EPHB2: variants seen among roughly 807,000 people sequenced by gnomAD.
The protein encoded by EPHB2 is EPH receptor B2.
In EPHB2, 18 loss-of-function variants were observed where a neutral mutation model predicts 96.4. That is an observed-to-expected ratio of 0.19 (90% CI 0.13 to 0.28). The LOEUF (loss-of-function observed/expected upper bound fraction) is 0.28. Among genes scored for constraint, EPHB2 ranks in the 10% least tolerant of loss-of-function variants. EPHB2 has a pLI of 1.00. For synonymous variants in EPHB2, 506 were observed against 534.1 expected, an observed-to-expected ratio of 0.95 and a Z score of 0.72; for missense variants, 989 against 1,355.4, an observed-to-expected ratio of 0.73 and a Z score of 4.25.
chr1:22,909,076 T>C lies in EPHB2; in HGVS notation c.2407T>C (p.Phe803Leu). The change falls in exon 13 of 16, where the codon TTC becomes CTC. Residue 803 changes from phenylalanine to leucine, a missense_variant. Phe to Leu is a conservative substitution (Grantham distance 22). Coordinates refer to ENST00000374630, the MANE Select transcript of EPHB2 (RefSeq NM_017449.5). ...TAPEAIQYRK[F>L]TSASDVWSYG... ...CCCGGAAGCCATCCAGTACCGGAAG[T>C]TCACCTCGGCCAGTGATGTGTGGAG... The C allele has an allele frequency of 6.2e-7, 1 of 1,614,186 alleles. No homozygotes were observed. Among genetic ancestry groups the C allele is most frequent in the African/African-American group, 1.3e-5 (1 of 75,038 alleles).
intron 3 of EPHB2, among the ~76,000 whole-genome samples, chr1:22,834,650 C>G (rs2148490148): frequency 1.3e-5 from 2 of 152,188 alleles, no homozygotes; most frequent in Non-Finnish European, 2.9e-5. Context: ...CAAGGCCAGG[C>G]ACGGTGGCTC....
In EPHB2 at chr1:22,784,253, A is replaced by G. The variant is rs1570270667; in HGVS notation, c.127-139A>G. The G allele has an allele frequency of 2.5e-6, 2 of 786,024 alleles. No individual in the cohort carries two copies. The highest frequency in any genetic ancestry group is 2.0e-5 in the Admixed American group (1 of 49,478). 48.7% of individuals were successfully genotyped at this position (786,024 alleles called of 1,614,324 possible). A position where few individuals can be genotyped will look rare whatever the true frequency, so the allele number is the denominator to read the frequency against. On this transcript the variant is annotated intron_variant, in intron 2 of 15. Coordinates refer to ENST00000374630, the MANE Select transcript of EPHB2 (RefSeq NM_017449.5). The surrounding 1 kb of genome is among the most constrained non-coding windows in gnomAD (Gnocchi z 5.1). ...CCCACCTGATTGGCATGTCTCCCCCATCAGATTGGGAATTCTCTGATGTCT... is the reference window on the plus strand; with the variant it reads ...CCCACCTGATTGGCATGTCTCCCCCGTCAGATTGGGAATTCTCTGATGTCT...
At position 22,853,716 on chromosome 1, in the gene EPHB2, C is replaced by T. The variant is rs574841693; in HGVS notation, c.812-9321C>T. Among the ~76,000 whole-genome samples, 6 of 152,346 alleles carry T rather than the reference C, an allele frequency of 3.9e-5. No individual in the cohort carries two copies. In the East Asian group the frequency reaches 9.6e-4, roughly 24 times the overall value. On this transcript the variant is annotated intron_variant, in intron 3 of 15. Transcript: ENST00000374630. ...TTGTTCCAGGAACTGGCAGTGCCTG[C>T]GGTGGCTGGAGCTCAAGGTGTGACT...
chr1:22,783,213 C>T (rs1383421035), intron 2 of EPHB2, among the ~76,000 whole-genome samples: 1 of 152,222 alleles, frequency 6.6e-6, no homozygotes, highest in African/African-American at 2.4e-5. Context: ...CTAGTCTCTA[C>T]TCCCTCATCC....
chr1:22,865,099 A>G lies in EPHB2; in HGVS notation c.1190A>G (p.Asp397Gly). The G allele has an allele frequency of 6.2e-7, 1 of 1,614,180 alleles. No homozygotes were observed. The highest frequency in any genetic ancestry group is 8.5e-7 in the Non-Finnish European group (1 of 1,180,040). ...GLTEPRIYISDLLAHTQYTFE... is the reference protein window; with the variant it reads ...GLTEPRIYISGLLAHTQYTFE... Reference sequence around the variant, plus strand: ...ACCGAGCCACGCATTTACATCAGTGACCTGCTGGCCCACACCCAGTACACC... The same window carrying G: ...ACCGAGCCACGCATTTACATCAGTGGCCTGCTGGCCCACACCCAGTACACC... The change falls in exon 5 of 16, where the codon GAC becomes GGC. Residue 397 changes from aspartate (D) to glycine (G), a missense_variant. Asp to Gly is a moderately conservative substitution (Grantham distance 94). Transcript: ENST00000374630.
chr1:22,908,150 C>T lies in EPHB2; in HGVS notation c.2334C>T (p.Pro778=). Residue 778 remains proline, a synonymous_variant, in exon 12 of 16, where the codon CCC becomes CCT. Transcript: ENST00000374630. ...TTCTAGAGGACGATACCTCAGACCC[C>T]ACCTACACCAGTGCCCTGGTAAGAT... The part of the protein sequence containing the change: ...SRFLEDDTSD[P]TYTSALGGKI... 1.9e-6 allele frequency: 3 copies of T among 1,614,244 alleles called. No individual in the cohort carries two copies. The highest frequency in any genetic ancestry group is 1.3e-5 in the African/African-American group (1 of 75,058).
intron 1 of EPHB2, among the ~76,000 whole-genome samples, chr1:22,767,620 G>T (rs1016250692): frequency 6.6e-6 from 1 of 152,196 alleles, no homozygotes; most frequent in Non-Finnish European, 1.5e-5. Flanking sequence ...GGTAGCTATG[G>T]TGATAGAGAT....
rs139224412 is a variant in EPHB2 at position 22,840,358 on chromosome 1, G to A, written c.812-22679G>A. Reference sequence around the variant, plus strand: ...TAAATTTTGCATACTCTACCAGGATGATTAAAAGAGGAGGAAGTCTGGGAC... The same window carrying A: ...TAAATTTTGCATACTCTACCAGGATAATTAAAAGAGGAGGAAGTCTGGGAC... On this transcript the variant is annotated intron_variant, in intron 3 of 15. Transcript: ENST00000374630. 1.0e-3 allele frequency among the ~76,000 whole-genome samples: 157 copies of A among 152,338 alleles called. 1 individual carries two copies. Among genetic ancestry groups the A allele is most frequent in the African/African-American group, 3.2e-3 (135 of 41,572 alleles).
chr1:22,741,679 C>CTAAAAAAAAAA, intron 1 of EPHB2, among the ~76,000 whole-genome samples: 1 of 73,918 alleles, frequency 1.4e-5, no homozygotes, highest in South Asian at 5.7e-4. Context: ...TTCTTCCCAG[C>CTAAAAAAAAAA]AAAAAAAAAC....
chr1:22,899,418 T>C (rs1323094949), intron 9 of EPHB2, among the ~76,000 whole-genome samples: 1 of 151,748 alleles, frequency 6.6e-6, no homozygotes, highest in Non-Finnish European at 1.5e-5. Context: ...GGAGAATCCC[T>C]TGAACCCGGG....
In EPHB2 at chr1:22,893,021, G is replaced by C. The variant is rs2148566828; in HGVS notation, c.1566G>C (p.Lys522Asn). The change falls in exon 7 of 16, where the codon AAG becomes AAC. Residue 522 changes from lysine (K) to asparagine (N), a missense_variant. Coordinates refer to ENST00000374630, the MANE Select transcript of EPHB2 (RefSeq NM_017449.5). Reference sequence around the variant, plus strand: ...CAGGTTACGGGCGCTACAGCGGCAAGATGTACTTCCAGACCATGACAGAAG... The same window carrying C: ...CAGGTTACGGGCGCTACAGCGGCAACATGTACTTCCAGACCATGACAGAAG... The part of the protein sequence containing the change: ...TVAGYGRYSG[K>N]MYFQTMTEAE... 6.2e-7 allele frequency: 1 copy of C among 1,614,220 alleles called. No individual in the cohort carries two copies. The highest frequency in any genetic ancestry group is 8.5e-7 in the Non-Finnish European group (1 of 1,180,026).
At chr1:22,791,009 C>T (rs1644683575) in intron 3 of EPHB2, among the ~76,000 whole-genome samples, 2 of 152,212 alleles carry the variant, frequency 1.3e-5, no homozygotes, top group African/African-American at 4.8e-5. Flanking sequence ...CCCTACCTCT[C>T]ACTAGCTGTG....
chr1:22,815,621 G>T (rs2148467164), intron 3 of EPHB2, among the ~76,000 whole-genome samples: 1 of 152,384 alleles, frequency 6.6e-6, no homozygotes, highest in African/African-American at 2.4e-5. Context: ...AGTCTCAGGG[G>T]CCGTTCAAAG....
intron 3 of EPHB2, among the ~76,000 whole-genome samples, chr1:22,834,649 G>A (rs1380365703): frequency 1.3e-5 from 2 of 152,176 alleles, no homozygotes; most frequent in African/African-American, 4.8e-5. Context: ...GCAAGGCCAG[G>A]CACGGTGGCT....
chr1:22,806,839 C>T (rs1163338385), intron 3 of EPHB2, among the ~76,000 whole-genome samples: 4 of 152,262 alleles, frequency 2.6e-5, no homozygotes, highest in Non-Finnish European at 5.9e-5. Context: ...CTGCACAGCT[C>T]AGCTCCCCTG....
At chr1:22,908,891 A>G (rs542960321) in intron 12 of EPHB2, 131 bp from the exon 13 acceptor site, 2 of 1,410,096 alleles carry the variant, frequency 1.4e-6, no homozygotes, top group Non-Finnish European at 2.0e-6. Flanking sequence ...CTGAAGCTGC[A>G]TGGTAAGTTT....
At chr1:22,895,399 C>T in intron 7 of EPHB2, 73 bp from the exon 8 acceptor site, 1 of 1,414,818 alleles carries the variant, frequency 7.1e-7, no homozygotes, top group Non-Finnish European at 1.0e-6. Context: ...AGCAGCATGG[C>T]AGGGGGTAGG....
At chr1:22,739,810 C>A (rs891793952) in intron 1 of EPHB2, among the ~76,000 whole-genome samples, 4 of 152,106 alleles carry the variant, frequency 2.6e-5, no homozygotes, top group Non-Finnish European at 5.9e-5. Context: ...TGCCCTCCCC[C>A]ACATGCCCGG....
chr1:22,891,792 T>TG lies in EPHB2; in HGVS notation c.1429-1092_1429-1091insG, dbSNP rs987974314. ...ATGCAAGAGTCTGGTTTCTTTTTTT[T>TG]TTGTTGTTGTTGTATTTTTTTAGAT... On this transcript the variant is annotated intron_variant, in intron 6 of 15. Transcript: ENST00000374630. Among the ~76,000 whole-genome samples, 116 of 117,562 alleles carry TG rather than the reference T, an allele frequency of 9.9e-4. 1 individual carries two copies. The highest frequency in any genetic ancestry group is 3.2e-3 in the African/African-American group (115 of 35,542). The allele number at this position is 117,562 out of a possible 152,430, so 77.1% of individuals were successfully genotyped here.
Sources: allele counts gnomAD v4.1 joint callset (sites outside exome capture counted in the v4.1 genomes callset), GRCh38; gene constraint gnomAD v4.1.1; non-coding constraint Gnocchi (gnomAD v3.1); transcripts MANE v1.5; gene names NCBI Gene and HGNC (gene_info 2026-07-23, HGNC 2026-07-21).